The following LTBP2 variants were observed in gnomAD, a reference collection of about 807,000 sequenced individuals.
The protein encoded by LTBP2 is latent transforming growth factor beta binding protein 2.
Under a neutral mutation model 210.6 loss-of-function variants are expected in LTBP2, and 103 were observed. The observed-to-expected ratio is 0.49, with a 90% CI of 0.42 to 0.58. The LOEUF (loss-of-function observed/expected upper bound fraction) is 0.58. Among genes scored for constraint, LTBP2 ranks in the 20% least tolerant of loss-of-function variants. The pLI, the probability that LTBP2 is intolerant of heterozygous loss-of-function variation, is 0.00. For missense variants in LTBP2, 2,313 were observed against 2,494.5 expected, an observed-to-expected ratio of 0.93 and a Z score of 1.55; for synonymous variants, 1,007 against 1,015.0, an observed-to-expected ratio of 0.99 and a Z score of 0.15.
chr14:74,598,163 C>T (rs1246286847), intron 2 of LTBP2, among the ~76,000 whole-genome samples: 1 of 152,212 alleles, frequency 6.6e-6, no homozygotes, highest in South Asian at 2.1e-4. Flanking sequence ...AAAGCTGGGG[C>T]TCTTAGCCAC....
At chr14:74,549,729 C>T (rs572400390) in intron 8 of LTBP2, 134 bp downstream of exon 8, 1 of 791,044 alleles carries the variant, frequency 1.3e-6, no homozygotes, top group African/African-American at 1.7e-5. Context: ...CAAGGCAGGT[C>T]TGGGAAGTCT....
chr14:74,555,815 C>G, intron 3 of LTBP2, 122 bp from the exon 4 acceptor site: 1 of 658,818 alleles, frequency 1.5e-6, no homozygotes, highest in Non-Finnish European at 2.3e-6. Flanking sequence ...TGCCTTCTCA[C>G]CCATGTATGG....
At chr14:74,514,997 AGAGGGCTGGGGTATGGG>A (rs2087117510) in intron 18 of LTBP2, among the ~76,000 whole-genome samples, 1 of 152,142 alleles carries the variant, frequency 6.6e-6, no homozygotes, top group Admixed American at 6.5e-5. Context: ...GAAGGGAAGG[AGAGGGCTGGGGTATGGG>A]GGAGCCTGGA....
At chr14:74,526,970 G>A (rs187185114) in intron 13 of LTBP2, among the ~76,000 whole-genome samples, 67 of 152,246 alleles carry the variant, frequency 4.4e-4, no homozygotes, top group African/African-American at 1.1e-3. Flanking sequence ...CTAAACCAGC[G>A]CAGAAAGTGC....
rs1268802627 is a variant in LTBP2 at position 74,611,716 on chromosome 14, C to T, written c.229G>A (p.Ala77Thr). 1.3e-6 allele frequency: 2 copies of T among 1,594,942 alleles called. No homozygotes were observed. The highest frequency in any genetic ancestry group is 1.7e-6 in the Non-Finnish European group (2 of 1,176,018). Residue 77 changes from alanine (A) to threonine (T), a missense_variant, in exon 1 of 36, where the codon GCG becomes ACG. This residue lies in a region of LTBP2 where 1,867 missense variants were observed against 1,976.9 expected (regional missense o/e 0.94). Transcript: ENST00000261978. ...ACGGGCTGCAAGCCCGCGACAGGCG[C>T]GTCCTGCTCCCGGAACAGACTGTAC... ...KVYSLFREQD[A>T]PVAGLQPVER...
At chr14:74,528,361 C>G (rs540483565) in intron 12 of LTBP2, 122 bp downstream of exon 12, 2 of 1,148,056 alleles carry the variant, frequency 1.7e-6, no homozygotes, top group African/African-American at 3.1e-5. Context: ...CTCCAAGCTC[C>G]CTTTCCTAAT....
intron 1 of LTBP2, among the ~76,000 whole-genome samples, chr14:74,609,253 G>A (rs1362171509): frequency 6.6e-6 from 1 of 152,192 alleles, no homozygotes; most frequent in Middle Eastern, 3.2e-3. Flanking sequence ...CTTTATCAAA[G>A]CTGCAGAAGA....
intron 4 of LTBP2, among the ~76,000 whole-genome samples, chr14:74,554,976 G>A (rs1429109139): frequency 1.3e-5 from 2 of 151,920 alleles, no homozygotes; most frequent in African/African-American, 4.8e-5. Flanking sequence ...GAAAGGAGGG[G>A]AGGGGAGGGG....
At position 74,586,182 on chromosome 14, in the gene LTBP2, A is replaced by G. The variant is rs1443872162; in HGVS notation, c.566-64T>C. On this transcript the variant is annotated intron_variant, in intron 2 of 35. Coordinates refer to ENST00000261978, the MANE Select transcript of LTBP2 (RefSeq NM_000428.3). This position sits in a 1 kb window ranked among gnomAD's most constrained non-coding sequence, Gnocchi z 4.6. ...GGGCACTGAGACCACAGCTGCCCAC[A>G]CCTTCCTGTCAGAAGGGCCCTCCTG... The G allele has an allele frequency of 1.3e-6, 2 of 1,524,616 alleles. No homozygotes were observed. Among genetic ancestry groups the G allele is most frequent in the East Asian group, 4.9e-5 (2 of 41,116 alleles). The allele number at this position is 1,524,616 out of a possible 1,614,324, so 94.4% of individuals were successfully genotyped here.
intron 21 of LTBP2, 98 bp from the exon 22 acceptor site, chr14:74,509,461 G>A (rs1465455881): frequency 7.7e-6 from 12 of 1,564,542 alleles, no homozygotes; most frequent in Admixed American, 1.7e-5. Context: ...AGCCCCTGGG[G>A]CTTTCCTAAA....
chr14:74,593,404 C>G (rs1477159612), intron 2 of LTBP2, among the ~76,000 whole-genome samples: 1 of 152,214 alleles, frequency 6.6e-6, no homozygotes, highest in Non-Finnish European at 1.5e-5. Context: ...GCTGCATGAC[C>G]TTGGACACAT....
intron 8 of LTBP2, among the ~76,000 whole-genome samples, chr14:74,540,876 TAA>T (rs1491545708): frequency 1.8e-3 from 140 of 79,048 alleles, no homozygotes; most frequent in African/African-American, 5.4e-3. Flanking sequence ...TTTATATATA[TAA>T]TATATATATT....
intron 3 of LTBP2, among the ~76,000 whole-genome samples, chr14:74,558,885 T>C (rs1203540337): frequency 6.6e-6 from 1 of 152,104 alleles, no homozygotes; most frequent in Non-Finnish European, 1.5e-5. Context: ...GCCAGACAGA[T>C]GTTGGTTCTG....
rs751148657 is a variant in LTBP2 at position 74,508,966 on chromosome 14, CA to C, written c.3404-15del. 5.3e-5 allele frequency: 86 copies of C among 1,612,986 alleles called. 1 individual carries two copies. In the South Asian group the frequency reaches 9.4e-4, roughly 18 times the overall value. ...ATTCATCCACATCTGCAGGGCCACACAGGGGAGGAAGACAGCCGATGGCAGC... is the reference window on the plus strand; with the variant it reads ...ATTCATCCACATCTGCAGGGCCACACGGGGAGGAAGACAGCCGATGGCAGC... On this transcript the variant is annotated splice_polypyrimidine_tract_variant and intron_variant, in intron 22 of 35. Coordinates refer to ENST00000261978, the MANE Select transcript of LTBP2 (RefSeq NM_000428.3).
In LTBP2 at chr14:74,509,379, G is replaced by T; in HGVS notation, c.3278-16C>A. On this transcript the variant is annotated splice_polypyrimidine_tract_variant and intron_variant, in intron 21 of 35. Transcript: ENST00000261978. ...TCATCTAGGTCTGCAGACAGACAGC[G>T]CTCGCCCGGGGACCTAGGAGGGCTC... 1.2e-6 allele frequency: 2 copies of T among 1,612,968 alleles called. No individual in the cohort carries two copies. Among genetic ancestry groups the T allele is most frequent in the Non-Finnish European group, 1.7e-6 (2 of 1,179,868 alleles).
intron 3 of LTBP2, among the ~76,000 whole-genome samples, chr14:74,582,913 C>T (rs1244229875): frequency 6.6e-6 from 1 of 152,208 alleles, no homozygotes; most frequent in Non-Finnish European, 1.5e-5. Context: ...GTAACCAGCC[C>T]TCTCCCATCT....
rs1233857685 is a variant in LTBP2, at chr14:74,516,892, G to A, written c.2838C>T (p.Thr946=). 1 of 1,551,946 alleles carries A rather than the reference G, an allele frequency of 6.4e-7. No individual in the cohort carries two copies. The change falls in exon 18 of 36, where the codon ACC becomes ACT. Residue 946 remains threonine, a synonymous_variant. Coordinates refer to ENST00000261978, the MANE Select transcript of LTBP2 (RefSeq NM_000428.3). ...CGCAGTGGTACGAGCCCTCGGTGTT[G>A]GTGCACTGCCCCCCGCTGCACACCC... is the stretch of plus-strand genomic sequence containing the variant. ...QPGVCSGGQC[T]NTEGSYHCEC...
At chr14:74,610,276 T>C (rs182022841) in intron 1 of LTBP2, among the ~76,000 whole-genome samples, 135 of 152,260 alleles carry the variant, frequency 8.9e-4, no homozygotes, top group African/African-American at 9.1e-4. Context: ...AGAAAGAGGA[T>C]GGGGCACGGG....
chr14:74,543,846 G>T (rs1278804346), intron 8 of LTBP2, among the ~76,000 whole-genome samples: 1 of 152,190 alleles, frequency 6.6e-6, no homozygotes, highest in Non-Finnish European at 1.5e-5. Flanking sequence ...TGGACATTCT[G>T]CCCAAAGATG....
Sources: allele counts gnomAD v4.1 joint callset (sites outside exome capture counted in the v4.1 genomes callset), GRCh38; gene constraint gnomAD v4.1.1; regional missense constraint gnomAD v4.1.1; non-coding constraint Gnocchi (gnomAD v3.1); transcripts MANE v1.5; gene names NCBI Gene and HGNC (gene_info 2026-07-23, HGNC 2026-07-21).